FRRS1L: variants seen among roughly 807,000 people sequenced by gnomAD.
The protein encoded by FRRS1L is DOMON domain-containing protein FRRS1L.
Under a neutral mutation model 28.6 loss-of-function variants are expected in FRRS1L, and 22 were observed. The observed-to-expected ratio is 0.77, with a 90% CI of 0.55 to 1.10. The LOEUF is 1.10. Among genes scored for constraint, FRRS1L ranks in the 50% least tolerant of loss-of-function variants. The pLI is 0.00. For synonymous variants in FRRS1L, 158 were observed against 151.4 expected, an observed-to-expected ratio of 1.04 and a Z score of -0.32; for missense variants, 380 against 386.9, an observed-to-expected ratio of 0.98 and a Z score of 0.15.
intron 1 of FRRS1L, among the ~76,000 whole-genome samples, chr9:109,165,010 G>T (rs146422761): frequency 1.3e-5 from 2 of 152,318 alleles, no homozygotes; most frequent in African/African-American, 2.4e-5. Flanking sequence ...CTCAAAGGAC[G>T]TACAGAATCT....
At chr9:109,149,307 C>T (rs572419608) in intron 2 of FRRS1L, among the ~76,000 whole-genome samples, 1 of 152,274 alleles carries the variant, frequency 6.6e-6, no homozygotes, top group East Asian at 1.9e-4. Flanking sequence ...GCCTGTCCTG[C>T]CCACAGCCCC....
Position 109,140,716 on chromosome 9 carries a change from C to CT in FRRS1L, c.709+626dup, listed in dbSNP as rs937009880. ...TACTTTTTATTATTTCTTTCTTCTT[C>CT]TTTTTTTTTTTTGAATGGAGACAGG... is the stretch of plus-strand genomic sequence containing the variant. On this transcript the variant is annotated intron_variant, in intron 4 of 4. Transcript: ENST00000561981. 140 of 144,696 alleles carry CT rather than the reference C, an allele frequency of 9.7e-4. 1 individual carries two copies. Among genetic ancestry groups the CT allele is most frequent in the Middle Eastern group, 3.6e-3 (1 of 278 alleles). 9.0% of individuals were successfully genotyped at this position (144,696 alleles called of 1,614,324 possible).
At chr9:109,150,781 G>A (rs1831321809) in intron 1 of FRRS1L, 1 of 152,146 alleles carries the variant, frequency 6.6e-6, no homozygotes, top group African/African-American at 2.4e-5. Context: ...TTTTCTCCTA[G>A]GCTGTTTACT....
At chr9:109,159,956 C>T (rs1191401017) in intron 1 of FRRS1L, among the ~76,000 whole-genome samples, 1 of 152,176 alleles carries the variant, frequency 6.6e-6, no homozygotes, top group African/African-American at 2.4e-5. Flanking sequence ...TATCCTATTG[C>T]TTTTGTTTCT....
intron 1 of FRRS1L, among the ~76,000 whole-genome samples, chr9:109,161,106 C>T (rs1158567279): frequency 6.6e-6 from 1 of 152,096 alleles, no homozygotes; most frequent in Non-Finnish European, 1.5e-5. Context: ...CTAATTCTGT[C>T]ATCCCACTGC....
chr9:109,143,585 G>A (rs1401560002), intron 3 of FRRS1L, among the ~76,000 whole-genome samples: 1 of 150,210 alleles, frequency 6.7e-6, no homozygotes, highest in African/African-American at 2.5e-5. Flanking sequence ...CGCGATCTCG[G>A]CTCACTGCAA....
intron 4 of FRRS1L, chr9:109,138,292 CTT>C (rs1204229670): frequency 1.3e-5 from 2 of 152,166 alleles, no homozygotes; most frequent in African/African-American, 2.4e-5. Flanking sequence ...GGATGGGAAA[CTT>C]TCTTTTAATT....
rs1267945669 is a variant in FRRS1L, at chr9:109,134,189, T to C, written c.*3266A>G. 1 of 152,216 alleles carries C rather than the reference T, an allele frequency of 6.6e-6. No individual in the cohort carries two copies. The highest frequency in any genetic ancestry group is 6.5e-5 in the Admixed American group (1 of 15,286). 9.4% of individuals were successfully genotyped at this position (152,216 alleles called of 1,614,324 possible). A position where few individuals can be genotyped will look rare whatever the true frequency, so the allele number is the denominator to read the frequency against. ...ACCAAACAAACTTGCCATAGAAGTA[T>C]AGTTTCACATATAGATTCATTCCAC... is the stretch of plus-strand genomic sequence containing the variant. On this transcript the variant is annotated 3_prime_UTR_variant, in exon 5 of 5. Coordinates refer to ENST00000561981, the MANE Select transcript of FRRS1L (RefSeq NM_014334.4).
intron 1 of FRRS1L, among the ~76,000 whole-genome samples, chr9:109,163,041 A>T (rs555719249): frequency 7.2e-5 from 11 of 152,314 alleles, no homozygotes; most frequent in South Asian, 4.1e-4. Flanking sequence ...CTGGATTAAG[A>T]CTGAGGGTCT....
intron 4 of FRRS1L, chr9:109,139,532 T>C (rs959599930): frequency 3.9e-5 from 6 of 152,196 alleles, no homozygotes; most frequent in African/African-American, 1.2e-4. Context: ...TATAAGGAAA[T>C]GAAATTCAGA....
In FRRS1L at chr9:109,133,967, C is replaced by T. The variant is rs566306557; in HGVS notation, c.*3488G>A. The T allele has an allele frequency of 2.6e-5, 4 of 152,262 alleles. No individual in the cohort carries two copies. Among genetic ancestry groups the T allele is most frequent in the Non-Finnish European group, 4.4e-5 (3 of 68,032 alleles). The allele number at this position is 152,262 out of a possible 1,614,324, so 9.4% of individuals were successfully genotyped here. On this transcript the variant is annotated 3_prime_UTR_variant, in exon 5 of 5. Coordinates refer to ENST00000561981, the MANE Select transcript of FRRS1L (RefSeq NM_014334.4). The stretch of plus-strand genomic sequence containing the variant: ...GTTCTCTGAGATAATGGTCAAAGGC[C>T]ATTCTGTATCACTGGTGTGAATTCT...
At position 109,137,230 on chromosome 9, in the gene FRRS1L, AAAGTGCTTAG is replaced by A; in HGVS notation, c.*215_*224del. 3.4e-6 allele frequency: 1 copy of A among 292,112 alleles called. No individual in the cohort carries two copies. Among genetic ancestry groups the A allele is most frequent in the Non-Finnish European group, 6.3e-6 (1 of 159,856 alleles). The allele number at this position is 292,112 out of a possible 1,614,324, so 18.1% of individuals were successfully genotyped here. A position where few individuals can be genotyped will look rare whatever the true frequency, so the allele number is the denominator to read the frequency against. ...GAAGTTAAATAAGAAAACATATGTG[AAAGTGCTTAG>A]AAAAGGTGTAAGTATGTTCCAAAAG... On this transcript the variant is annotated 3_prime_UTR_variant, in exon 5 of 5. Coordinates refer to ENST00000561981, the MANE Select transcript of FRRS1L (RefSeq NM_014334.4).
chr9:109,137,722 T>C, intron 4 of FRRS1L, 95 bp from the exon 5 acceptor site: 9 of 702,534 alleles, frequency 1.3e-5, no homozygotes, highest in Non-Finnish European at 2.0e-5. Context: ...GTCTATTTAG[T>C]GTTGAATACG....
chr9:109,151,556 T>C, intron 1 of FRRS1L: 2 of 235,616 alleles, frequency 8.5e-6, no homozygotes, highest in Non-Finnish European at 1.7e-5. Flanking sequence ...CACCCCCAAA[T>C]GAGACCTTCT....
At chr9:109,157,690 T>G (rs1340046180) in intron 1 of FRRS1L, among the ~76,000 whole-genome samples, 3 of 152,254 alleles carry the variant, frequency 2.0e-5, no homozygotes, top group African/African-American at 7.2e-5. Flanking sequence ...AAGGGTGGTA[T>G]GTCCAATTAC....
At position 109,149,709 on chromosome 9, in the gene FRRS1L, G is replaced by A. The variant is rs1831307358; in HGVS notation, c.250C>T (p.Pro84Ser). 2 of 1,611,512 alleles carry A rather than the reference G, an allele frequency of 1.2e-6. No homozygotes were observed. The highest frequency in any genetic ancestry group is 2.2e-5 in the East Asian group (1 of 44,874). Residue 84 changes from proline (P) to serine (S), a missense_variant, in exon 2 of 5, where the codon CCT becomes TCT. Coordinates refer to ENST00000561981, the MANE Select transcript of FRRS1L (RefSeq NM_014334.4). ...RYLSEEGYPF[P>S]TAPPVDPFAK... Reference sequence around the variant, plus strand: ...AATGGATCCACAGGAGGAGCAGTAGGGAAGGGGTAACCTGGGCAGTGAGAA... The same window carrying A: ...AATGGATCCACAGGAGGAGCAGTAGAGAAGGGGTAACCTGGGCAGTGAGAA...
At chr9:109,163,576 T>G (rs1196835025) in intron 1 of FRRS1L, among the ~76,000 whole-genome samples, 4 of 152,208 alleles carry the variant, frequency 2.6e-5, no homozygotes, top group East Asian at 1.9e-4. Flanking sequence ...TTGAGGGTTT[T>G]GGGCAATCTG....
At chr9:109,153,053 A>C (rs1831355710) in intron 1 of FRRS1L, among the ~76,000 whole-genome samples, 1 of 152,034 alleles carries the variant, frequency 6.6e-6, no homozygotes. Context: ...TTTTCCTCTT[A>C]TATTGCAAAC....
At chr9:109,149,966 C>A in intron 1 of FRRS1L, 1 of 414,802 alleles carries the variant, frequency 2.4e-6, no homozygotes. Context: ...GGAGAGGAAC[C>A]TGGGGCACTG....
Sources: gnomAD v4.1 joint callset for allele counts (sites outside exome capture counted in the v4.1 genomes callset) on GRCh38, gnomAD v4.1.1 for gene constraint, MANE v1.5 for transcripts, NCBI Gene and HGNC (gene_info 2026-07-23, HGNC 2026-07-21) for gene names.